Variants in CCDC102B observed in about 807,000 individuals in gnomAD.
The protein encoded by CCDC102B is coiled-coil domain-containing protein 102B.
In CCDC102B, 75 loss-of-function variants were observed where a neutral mutation model predicts 57.4. The observed-to-expected ratio is 1.31, with a 90% CI of 1.08 to 1.58. CCDC102B has a LOEUF of 1.58. CCDC102B is among the 40% of genes most tolerant of loss of function. The probability of loss-of-function intolerance (pLI) is 0.00; values close to 1 mark genes in which losing one functional copy is unlikely to be tolerated. For synonymous variants in CCDC102B, 206 were observed against 201.9 expected (o/e 1.02, Z -0.17); for missense variants, 636 against 582.6 (o/e 1.09, Z -0.94).
chr18:68,738,037 T>C (rs1475417339), intron 2 of CCDC102B, among the ~76,000 whole-genome samples: 2 of 152,218 alleles, frequency 1.3e-5, no homozygotes, highest in Non-Finnish European at 2.9e-5. Context: ...TCATTTAATG[T>C]GTGTATTGCA....
At chr18:68,725,171 G>C (rs1413292511) in intron 2 of CCDC102B, among the ~76,000 whole-genome samples, 1 of 152,160 alleles carries the variant, frequency 6.6e-6, no homozygotes, top group Non-Finnish European at 1.5e-5. Context: ...ATCTCCATCT[G>C]GTCCTGCCCT....
At chr18:68,802,102 T>C (rs2144686317) in intron 1 of CCDC102B, among the ~76,000 whole-genome samples, 1 of 152,182 alleles carries the variant, frequency 6.6e-6, no homozygotes, top group Admixed American at 6.5e-5. Flanking sequence ...CATAATCCAT[T>C]GGTGTTTCAT....
At chr18:68,765,779 A>T (rs190440919) in intron 2 of CCDC102B, among the ~76,000 whole-genome samples, 1 of 152,290 alleles carries the variant, frequency 6.6e-6, no homozygotes, top group Non-Finnish European at 1.5e-5. Flanking sequence ...TATCAACCAT[A>T]TTTAATATAA....
intron 1 of CCDC102B, among the ~76,000 whole-genome samples, chr18:68,824,945 A>G (rs2036847348): frequency 6.6e-6 from 1 of 152,192 alleles, no homozygotes; most frequent in South Asian, 2.1e-4. Context: ...AGATAAATAT[A>G]TATGTACCTC....
intron 6 of CCDC102B, among the ~76,000 whole-genome samples, chr18:68,913,318 G>GTGTGTGTT (rs2040941678): frequency 6.6e-6 from 1 of 150,594 alleles, no homozygotes; most frequent in Non-Finnish European, 1.5e-5. Flanking sequence ...GTCTGTGTGT[G>GTGTGTGTT]TGTGTGTGTG....
chr18:69,037,696 T>G (rs2052332118), intron 7 of CCDC102B, among the ~76,000 whole-genome samples: 1 of 151,658 alleles, frequency 6.6e-6, no homozygotes, highest in Admixed American at 6.6e-5. Flanking sequence ...CAATAACAAA[T>G]CAGCCTCGTT....
At chr18:68,921,097 C>T (rs1298281551) in intron 6 of CCDC102B, among the ~76,000 whole-genome samples, 1 of 152,166 alleles carries the variant, frequency 6.6e-6, no homozygotes, top group Non-Finnish European at 1.5e-5. Flanking sequence ...ACAGGACTAG[C>T]TACTTCAGAG....
intron 6 of CCDC102B, among the ~76,000 whole-genome samples, chr18:68,932,599 T>A (rs941256511): frequency 2.6e-5 from 4 of 151,952 alleles, no homozygotes; most frequent in Non-Finnish European, 2.9e-5. Flanking sequence ...TCTGAAAAAA[T>A]TCCTAGAGAT....
chr18:69,014,698 G>A (rs1418426997), intron 7 of CCDC102B, among the ~76,000 whole-genome samples: 25 of 151,864 alleles, frequency 1.6e-4, no homozygotes, highest in Admixed American at 1.5e-3. Context: ...ATAATCACGA[G>A]GTGTTTTTTT....
chr18:68,871,362 T>C (rs926620399), intron 4 of CCDC102B, among the ~76,000 whole-genome samples: 2 of 152,066 alleles, frequency 1.3e-5, no homozygotes, highest in African/African-American at 4.8e-5. Context: ...TTCCACTAAA[T>C]TAATCATTGT....
intron 6 of CCDC102B, among the ~76,000 whole-genome samples, chr18:68,917,319 A>C (rs190234659): frequency 6.6e-6 from 1 of 152,164 alleles, no homozygotes; most frequent in East Asian, 1.9e-4. Context: ...TTGGTCATGG[A>C]ATTTCCAGGA....
chr18:68,718,721 G>C (rs2032162032), intron 2 of CCDC102B, among the ~76,000 whole-genome samples: 3 of 152,144 alleles, frequency 2.0e-5, no homozygotes, highest in Admixed American at 2.0e-4. Flanking sequence ...TGGAGAGCTT[G>C]GTTTAATGCA....
intron 1 of CCDC102B, among the ~76,000 whole-genome samples, chr18:68,829,703 G>A (rs1351150666): frequency 6.6e-6 from 1 of 151,948 alleles, no homozygotes; most frequent in Non-Finnish European, 1.5e-5. Context: ...AAATAGACCT[G>A]TGAAGATCTT....
In CCDC102B at chr18:68,929,886, AC is replaced by A. The variant is rs373738524; in HGVS notation, c.1263+32460del. ...TGCATTTTGTAATGTATTTAAAATCACCAACTCTATCCTATGTTTAATGTTT... is the reference window on the plus strand; with the variant it reads ...TGCATTTTGTAATGTATTTAAAATCACAACTCTATCCTATGTTTAATGTTT... On this transcript the variant is annotated intron_variant, in intron 6 of 7. Transcript: ENST00000360242. 2.1e-3 allele frequency among the ~76,000 whole-genome samples: 315 copies of A among 152,008 alleles called. 2 individuals are homozygous for A. The highest frequency in any genetic ancestry group is 7.3e-3 in the African/African-American group (305 of 41,530).
At chr18:68,716,214 AG>A (rs1344038391) in intron 1 of CCDC102B, among the ~76,000 whole-genome samples, 1 of 151,900 alleles carries the variant, frequency 6.6e-6, no homozygotes, top group African/African-American at 2.4e-5. Context: ...GCTTTATAAT[AG>A]TACCATCGCC....
intron 6 of CCDC102B, among the ~76,000 whole-genome samples, chr18:68,986,973 A>G (rs946963883): frequency 2.0e-5 from 3 of 152,208 alleles, no homozygotes; most frequent in Non-Finnish European, 2.9e-5. Context: ...GGAAGAGTCA[A>G]TATCATTAAA....
intron 7 of CCDC102B, among the ~76,000 whole-genome samples, chr18:69,047,515 A>AACAT (rs2052597286): frequency 6.6e-6 from 1 of 152,146 alleles, no homozygotes; most frequent in Admixed American, 6.6e-5. Context: ...ACTCCTATTC[A>AACAT]ACATAGTATG....
intron 2 of CCDC102B, among the ~76,000 whole-genome samples, chr18:68,781,234 T>C (rs1376600317): frequency 1.3e-5 from 2 of 152,126 alleles, no homozygotes; most frequent in Non-Finnish European, 2.9e-5. Flanking sequence ...TATTTTCTGA[T>C]TTATTGAAAA....
chr18:68,850,664 T>C (rs1253365275), intron 4 of CCDC102B, among the ~76,000 whole-genome samples: 1 of 152,106 alleles, frequency 6.6e-6, no homozygotes, highest in South Asian at 2.1e-4. Context: ...CATCATGGCC[T>C]ACATGGTTTC....
Sources: allele counts gnomAD v4.1 joint callset (sites outside exome capture counted in the v4.1 genomes callset), GRCh38; gene constraint gnomAD v4.1.1; transcripts MANE v1.5; gene names NCBI Gene and HGNC (gene_info 2026-07-23, HGNC 2026-07-21).